The following KMT5B variants were observed in gnomAD, a reference collection of about 807,000 sequenced individuals.
KMT5B encodes histone-lysine N-methyltransferase KMT5B.
A neutral mutation model predicts 83.2 loss-of-function variants in KMT5B; 10 were observed. The observed-to-expected ratio is 0.12, with a 90% CI of 0.07 to 0.20. The LOEUF is 0.20. Among genes scored for constraint, KMT5B ranks in the 10% least tolerant of loss-of-function variants. The pLI, the probability that KMT5B is intolerant of heterozygous loss-of-function variation, is 1.00. For missense variants in KMT5B, 753 were observed against 1,067.2 expected, an observed-to-expected ratio of 0.71 and a Z score of 4.10; for synonymous variants, 349 against 388.8, an observed-to-expected ratio of 0.90 and a Z score of 1.20.
chr11:68,211,312 T>C (rs982137250), intron 1 of KMT5B, among the ~76,000 whole-genome samples: 1 of 152,162 alleles, frequency 6.6e-6, no homozygotes, highest in African/African-American at 2.4e-5. Flanking sequence ...GTTCACTGCA[T>C]GAGCAGTTCA....
At chr11:68,183,029 C>A (rs1057369219) in intron 3 of KMT5B, among the ~76,000 whole-genome samples, 8 of 152,220 alleles carry the variant, frequency 5.3e-5, no homozygotes, top group African/African-American at 1.9e-4. Context: ...AGCCACCGCA[C>A]CTGGCCCATT....
chr11:68,175,572 CAAAG>C (rs1856281640), intron 4 of KMT5B, among the ~76,000 whole-genome samples: 1 of 152,172 alleles, frequency 6.6e-6, no homozygotes, highest in Non-Finnish European at 1.5e-5. Context: ...GACACAAAAT[CAAAG>C]CTCTAGAATA....
In KMT5B at chr11:68,170,176, A is replaced by G. The variant is rs375847139; in HGVS notation, c.977+839T>C. Among the ~76,000 whole-genome samples, 10 of 152,196 alleles carry G rather than the reference A, an allele frequency of 6.6e-5. No homozygotes were observed. In the East Asian group the frequency reaches 1.7e-3, roughly 26 times the overall value. ...AACTCTGATCATAACTCCAAAAGCA[A>G]TATGAAGTGGAAAGAATGAGGACTC... On this transcript the variant is annotated intron_variant, in intron 9 of 10. Transcript: ENST00000304363.
chr11:68,169,920 A>G (rs1855682179), intron 9 of KMT5B, among the ~76,000 whole-genome samples: 1 of 151,574 alleles, frequency 6.6e-6, no homozygotes, highest in East Asian at 1.9e-4. Context: ...AAAATTCAGC[A>G]GCACTAGGAA....
intron 3 of KMT5B, among the ~76,000 whole-genome samples, chr11:68,182,917 A>G (rs1857081617): frequency 6.6e-6 from 1 of 151,516 alleles, no homozygotes; most frequent in South Asian, 2.1e-4. Flanking sequence ...TTGTATTTTT[A>G]GTAGAGACGG....
chr11:68,196,251 A>C (rs1400572114), intron 1 of KMT5B, among the ~76,000 whole-genome samples: 1 of 151,992 alleles, frequency 6.6e-6, no homozygotes, highest in Non-Finnish European at 1.5e-5. Flanking sequence ...ATGTTATAAC[A>C]CCATCTCTTT....
intron 1 of KMT5B, among the ~76,000 whole-genome samples, chr11:68,200,419 G>A (rs1260574163): frequency 2.0e-5 from 3 of 152,164 alleles, no homozygotes; most frequent in African/African-American, 7.2e-5. Context: ...GGAAAGGATG[G>A]GCTATTGCTG....
At chr11:68,185,210 CCTT>C (rs1857326891) in intron 3 of KMT5B, among the ~76,000 whole-genome samples, 1 of 152,052 alleles carries the variant, frequency 6.6e-6, no homozygotes. Context: ...ATTGTCATCA[CCTT>C]TTTTTTTTTG....
intron 1 of KMT5B, among the ~76,000 whole-genome samples, chr11:68,201,576 G>A (rs1001266997): frequency 1.3e-5 from 2 of 150,852 alleles, no homozygotes; most frequent in Non-Finnish European, 2.9e-5. Context: ...AACAAACTAA[G>A]ATTAAAAAAA....
In KMT5B at chr11:68,189,917, A is replaced by C. The variant is rs1857860093; in HGVS notation, c.160T>G (p.Cys54Gly). Residue 54 changes from cysteine to glycine, a missense_variant and splice_region_variant, in exon 2 of 11, where the codon TGT becomes GGT. This residue lies in a region of KMT5B where 56 missense variants were observed against 91.4 expected (regional missense o/e 0.61). Coordinates refer to ENST00000304363, the MANE Select transcript of KMT5B (RefSeq NM_017635.5). ...KNAVERRSNR[C>G]NGNSGFEGQS... ...ATTGAAGGTTTAAGTGTGTACATACATCTGTTCGACCTCCTCTCGACTGCA... is the reference window on the plus strand; with the variant it reads ...ATTGAAGGTTTAAGTGTGTACATACCTCTGTTCGACCTCCTCTCGACTGCA... 6.2e-7 allele frequency: 1 copy of C among 1,613,842 alleles called. No individual in the cohort carries two copies. The highest frequency in any genetic ancestry group is 1.3e-5 in the African/African-American group (1 of 74,922).
intron 10 of KMT5B, among the ~76,000 whole-genome samples, chr11:68,162,793 A>T (rs1854976954): frequency 6.6e-6 from 1 of 152,234 alleles, no homozygotes; most frequent in Non-Finnish European, 1.5e-5. Flanking sequence ...TTACCAATGT[A>T]TTCTAATTTT....
At chr11:68,166,631 A>C (rs934729409) in intron 10 of KMT5B, 2 of 1,055,928 alleles carry the variant, frequency 1.9e-6, no homozygotes, top group South Asian at 3.6e-5. Context: ...GTCTAATTTA[A>C]TTCTACTCAG....
intron 1 of KMT5B, among the ~76,000 whole-genome samples, chr11:68,203,025 T>C (rs1859647371): frequency 1.3e-5 from 2 of 150,574 alleles, no homozygotes; most frequent in South Asian, 2.1e-4. Context: ...ACCCAGGCTG[T>C]AGTGCAGTGG....
chr11:68,188,064 G>A lies in KMT5B; in HGVS notation c.160+1853C>T, dbSNP rs1413383496. Among the ~76,000 whole-genome samples the A allele has an allele frequency of 2.8e-5, 4 of 142,464 alleles. No homozygotes were observed. The Admixed American group carries it at 3.0e-4, about 11-fold the overall frequency. 93.5% of individuals were successfully genotyped at this position (142,464 alleles called of 152,430 possible). ...TTTTGAGATGGAGTCTCGCTCTGTC[G>A]CCCAGGCTGGAGTGCAGTGACGCAA... is the stretch of plus-strand genomic sequence containing the variant. On this transcript the variant is annotated intron_variant, in intron 2 of 10. Transcript: ENST00000304363.
intron 1 of KMT5B, among the ~76,000 whole-genome samples, chr11:68,202,794 A>G (rs1234603522): frequency 6.6e-6 from 1 of 151,310 alleles, no homozygotes; most frequent in African/African-American, 2.4e-5. Flanking sequence ...TGATTTGCCC[A>G]CCTCGGCCTC....
At chr11:68,192,428 T>C (rs886788349) in intron 1 of KMT5B, among the ~76,000 whole-genome samples, 3 of 152,156 alleles carry the variant, frequency 2.0e-5, no homozygotes, top group African/African-American at 7.2e-5. Flanking sequence ...GACTTGTTCC[T>C]TGCTTGTGTT....
At position 68,190,080 on chromosome 11, in the gene KMT5B, C is replaced by A; in HGVS notation, c.-4G>T. Reference sequence around the variant, plus strand: ...TGGATTCTCCCAACCACTTCATACCCACAGACAGCCTGACCCAGGTGCATT... The same window carrying A: ...TGGATTCTCCCAACCACTTCATACCAACAGACAGCCTGACCCAGGTGCATT... On this transcript the variant is annotated 5_prime_UTR_variant, in exon 2 of 11. Coordinates refer to ENST00000304363, the MANE Select transcript of KMT5B (RefSeq NM_017635.5). 1 of 1,613,144 alleles carries A rather than the reference C, an allele frequency of 6.2e-7. No homozygotes were observed. Among genetic ancestry groups the A allele is most frequent in the Non-Finnish European group, 8.5e-7 (1 of 1,179,486 alleles).
chr11:68,201,694 T>C (rs990198842), intron 1 of KMT5B, among the ~76,000 whole-genome samples: 26 of 152,196 alleles, frequency 1.7e-4, no homozygotes, highest in African/African-American at 6.3e-4. Context: ...ATGCTGAACT[T>C]GTCTGCAAAC....
In KMT5B at chr11:68,156,299, TGTCC is replaced by T. The variant is rs530291584; in HGVS notation, c.*1385_*1388del. On this transcript the variant is annotated 3_prime_UTR_variant, in exon 11 of 11. Transcript: ENST00000304363. ...TACAGATTTATATTCCCAAATTCTC[TGTCC>T]AATGATTTGCAAAATAATCCAGAGA... The T allele has an allele frequency of 7.5e-4, 114 of 152,738 alleles. No homozygotes were observed. The highest frequency in any genetic ancestry group is 2.6e-3 in the African/African-American group (110 of 41,570). The allele number at this position is 152,738 out of a possible 1,614,324, so 9.5% of individuals were successfully genotyped here. A position where few individuals can be genotyped will look rare whatever the true frequency, so the allele number is the denominator to read the frequency against.
Sources: gnomAD v4.1 joint callset for allele counts (sites outside exome capture counted in the v4.1 genomes callset) on GRCh38, gnomAD v4.1.1 for gene constraint, gnomAD v4.1.1 regional missense constraint, MANE v1.5 for transcripts, NCBI Gene and HGNC (gene_info 2026-07-23, HGNC 2026-07-21) for gene names.